The following ATP12A variants were observed in gnomAD, a reference collection of about 807,000 sequenced individuals.
The protein encoded by ATP12A is ATPase H+/K+ transporting non-gastric alpha2 subunit.
A neutral mutation model predicts 111.2 loss-of-function variants in ATP12A; 81 were observed. That is an observed-to-expected ratio of 0.73 (90% CI 0.61 to 0.88). ATP12A has a LOEUF of 0.88. Among genes scored for constraint, ATP12A ranks in the 40% least tolerant of loss-of-function variants. The pLI is 0.00. For synonymous variants in ATP12A, 498 were observed against 499.8 expected, an observed-to-expected ratio of 1.00 and a Z score of 0.05; for missense variants, 1,196 against 1,313.1, an observed-to-expected ratio of 0.91 and a Z score of 1.38.
In ATP12A at chr13:24,696,718, CAAAAAAAAAAAAAAAA is replaced by C. The variant is rs1199522203; in HGVS notation, c.1513-1927_1513-1912del. ...TGGGCGACAGAGCGAGACTCCGTCT[CAAAAAAAAAAAAAAAA>C]AAAAAAAAAAAAGAAAGGGGAGAGG... is the stretch of plus-strand genomic sequence containing the variant. On this transcript the variant is annotated intron_variant, in intron 11 of 22. Transcript: ENST00000381946. Among the ~76,000 whole-genome samples, 3 of 33,036 alleles carry C rather than the reference CAAAAAAAAAAAAAAAA, an allele frequency of 9.1e-5. No homozygotes were observed. In the Admixed American group the frequency reaches 2.3e-3, roughly 25 times the overall value. The allele number at this position is 33,036 out of a possible 152,430, so 21.7% of individuals were successfully genotyped here.
At chr13:24,709,015 CTGAAT>C (rs1875835566) in intron 17 of ATP12A, among the ~76,000 whole-genome samples, 1 of 152,002 alleles carries the variant, frequency 6.6e-6, no homozygotes, top group Non-Finnish European at 1.5e-5. Context: ...CCCAGTCCTC[CTGAAT>C]TGGGAAGTCT....
At chr13:24,708,582 G>A (rs1875769089) in intron 17 of ATP12A, among the ~76,000 whole-genome samples, 1 of 152,046 alleles carries the variant, frequency 6.6e-6, no homozygotes, top group South Asian at 2.1e-4. Flanking sequence ...CTGGGAACTT[G>A]TTAGACATGC....
chr13:24,688,276 G>A (rs766009636), intron 3 of ATP12A, 43 bp from the exon 4 acceptor site: 8 of 1,565,476 alleles, frequency 5.1e-6, no homozygotes, highest in East Asian at 2.3e-5. Context: ...TGTCTAATTC[G>A]TATTTGTTTT....
chr13:24,682,464 A>G (rs1448843201), intron 2 of ATP12A, among the ~76,000 whole-genome samples: 4 of 150,234 alleles, frequency 2.7e-5, no homozygotes, highest in African/African-American at 9.8e-5. Flanking sequence ...CCTCTGCAGG[A>G]TTCCTGCATT....
At chr13:24,686,229 G>A (rs1314099654) in intron 3 of ATP12A, among the ~76,000 whole-genome samples, 1 of 151,790 alleles carries the variant, frequency 6.6e-6, no homozygotes, top group Non-Finnish European at 1.5e-5. Context: ...ACCTGAGGTC[G>A]GGAGTTTGAG....
chr13:24,680,733 ACCAGCCCAGCAT>A lies in ATP12A; in HGVS notation c.-10_2del. 1 of 1,502,094 alleles carries A rather than the reference ACCAGCCCAGCAT, an allele frequency of 6.7e-7. No homozygotes were observed. The highest frequency in any genetic ancestry group is 8.8e-7 in the Non-Finnish European group (1 of 1,133,002). The allele number at this position is 1,502,094 out of a possible 1,614,324, so 93.0% of individuals were successfully genotyped here. A position where few individuals can be genotyped will look rare whatever the true frequency, so the allele number is the denominator to read the frequency against. The stretch of plus-strand genomic sequence containing the variant: ...CTCCACGCCCGCAGCCCGCGGCGCC[ACCAGCCCAGCAT>A]GCACCAGGTGCGTGCAGCCCCCGCG... On this transcript the variant is annotated start_lost and 5_prime_UTR_variant, in exon 1 of 23. Transcript: ENST00000381946.
At chr13:24,701,501 C>CAAAAAAA (rs10586421) in intron 13 of ATP12A, among the ~76,000 whole-genome samples, 4 of 101,376 alleles carry the variant, frequency 3.9e-5, no homozygotes, top group Non-Finnish European at 6.1e-5. Flanking sequence ...AACTCTGTCT[C>CAAAAAAA]AAAAAAAAAA....
In ATP12A at chr13:24,709,473, C is replaced by T. The variant is rs1875863688; in HGVS notation, c.2603C>T (p.Ser868Leu). The change falls in exon 18 of 23, where the codon TCA becomes TTA. Residue 868 changes from serine to leucine, a missense_variant. Coordinates refer to ENST00000381946, the MANE Select transcript of ATP12A (RefSeq NM_001676.7). ...GTGAACCAGCCGCTCGCTGTGTACT[C>T]ATACCTGCACATTGGTACGATGAGG... Reference protein sequence around the residue: ...RLVNQPLAVYSYLHIGLMQAL... With the variant: ...RLVNQPLAVYLYLHIGLMQAL... 2 of 1,613,994 alleles carry T rather than the reference C, an allele frequency of 1.2e-6. No individual in the cohort carries two copies. Among genetic ancestry groups the T allele is most frequent in the African/African-American group, 2.7e-5 (2 of 75,024 alleles).
intron 3 of ATP12A, among the ~76,000 whole-genome samples, chr13:24,686,440 CAA>C (rs60902451): frequency 0.024 from 2,243 of 93,780 alleles, 76 homozygotes; most frequent in African/African-American, 0.083. Flanking sequence ...AACTCCATCT[CAA>C]AAAAAAAAAA....
chr13:24,706,988 T>C, intron 15 of ATP12A, 35 bp from the exon 16 acceptor site: 1 of 1,560,642 alleles, frequency 6.4e-7, no homozygotes, highest in Non-Finnish European at 8.7e-7. Context: ...CTGGGCCTGC[T>C]CACTCCCACT....
chr13:24,701,879 C>T (rs186036472), intron 13 of ATP12A, 56 bp from the exon 14 acceptor site: 1 of 1,611,536 alleles, frequency 6.2e-7, no homozygotes, highest in East Asian at 2.2e-5. Flanking sequence ...ACCATCCCCA[C>T]TTTGGCCAAC....
At chr13:24,700,950 G>T in intron 13 of ATP12A, 28 bp downstream of exon 13, 1 of 1,608,206 alleles carries the variant, frequency 6.2e-7, no homozygotes, top group Non-Finnish European at 8.5e-7. Context: ...GACTCAAGAA[G>T]TTCTTTCTTT....
Position 24,711,678 on chromosome 13 carries a change from A to C in ATP12A, c.*156A>C, listed in dbSNP as rs1875981280. 1.0e-6 allele frequency: 1 copy of C among 968,302 alleles called. No homozygotes were observed. Among genetic ancestry groups the C allele is most frequent in the Non-Finnish European group, 1.5e-6 (1 of 652,214 alleles). The allele number at this position is 968,302 out of a possible 1,614,324, so 60.0% of individuals were successfully genotyped here. On this transcript the variant is annotated 3_prime_UTR_variant, in exon 23 of 23. Transcript: ENST00000381946. ...AAAGCTGTATGCAGGATGCTCACTG[A>C]TGTTTTGCACTTTAAAACTGAAATT...
intron 5 of ATP12A, 68 bp from the exon 6 acceptor site, chr13:24,690,270 G>T: frequency 6.3e-7 from 1 of 1,587,776 alleles, no homozygotes; most frequent in South Asian, 1.2e-5. Context: ...GTTCGGTGCG[G>T]CACAGACTTG....
rs969978056 is a variant in ATP12A, at chr13:24,685,677, T to C, written c.228+304T>C. Among the ~76,000 whole-genome samples the C allele has an allele frequency of 8.5e-5, 13 of 152,320 alleles. No homozygotes were observed. The highest frequency in any genetic ancestry group is 3.1e-4 in the African/African-American group (13 of 41,572). ...TATGGAAGTGTCCTGAGATTCACTCTATCCCCCTGGGATGGCTACAAGAAG... is the reference window on the plus strand; with the variant it reads ...TATGGAAGTGTCCTGAGATTCACTCCATCCCCCTGGGATGGCTACAAGAAG... On this transcript the variant is annotated intron_variant, in intron 3 of 22. Coordinates refer to ENST00000381946, the MANE Select transcript of ATP12A (RefSeq NM_001676.7). This position sits in a 1 kb window ranked among gnomAD's most constrained non-coding sequence, Gnocchi z 5.5.
In ATP12A at chr13:24,711,630, G is replaced by A; in HGVS notation, c.*108G>A. 1 of 1,488,770 alleles carries A rather than the reference G, an allele frequency of 6.7e-7. No individual in the cohort carries two copies. The highest frequency in any genetic ancestry group is 9.2e-7 in the Non-Finnish European group (1 of 1,081,900). 92.2% of individuals were successfully genotyped at this position (1,488,770 alleles called of 1,614,324 possible). A position where few individuals can be genotyped will look rare whatever the true frequency, so the allele number is the denominator to read the frequency against. On this transcript the variant is annotated 3_prime_UTR_variant, in exon 23 of 23. Transcript: ENST00000381946. ...GCAGTGCAGACATCGTCAAAATTCA[G>A]ACAAGAGGAAATTTTCATGCAGAAA...
At chr13:24,705,340 C>T (rs763551087) in intron 14 of ATP12A, among the ~76,000 whole-genome samples, 10 of 152,230 alleles carry the variant, frequency 6.6e-5, no homozygotes, top group Non-Finnish European at 2.9e-5. Context: ...TGAGGCGAAG[C>T]TTGACAACGC....
chr13:24,710,398 T>G (rs528397502), intron 19 of ATP12A, 62 bp from the exon 20 acceptor site: 1 of 1,593,652 alleles, frequency 6.3e-7, no homozygotes. Flanking sequence ...AGAACTGCAT[T>G]GGAATTTCCT....
intron 17 of ATP12A, among the ~76,000 whole-genome samples, chr13:24,708,969 G>GAAAGAAAGAA (rs1316979184): frequency 2.7e-5 from 4 of 146,456 alleles, no homozygotes; most frequent in Admixed American, 1.4e-4. Flanking sequence ...AAGAAGGAAA[G>GAAAGAAAGAA]AGAAAGAGAA....
Sources: gnomAD v4.1 joint callset for allele counts (sites outside exome capture counted in the v4.1 genomes callset) on GRCh38, gnomAD v4.1.1 for gene constraint, Gnocchi (gnomAD v3.1) non-coding constraint, MANE v1.5 for transcripts, NCBI Gene and HGNC (gene_info 2026-07-23, HGNC 2026-07-21) for gene names.